GATAD2A: variants seen among roughly 807,000 people sequenced by gnomAD.
The protein encoded by GATAD2A is transcriptional repressor p66-alpha.
A neutral mutation model predicts 68.5 loss-of-function variants in GATAD2A; 12 were observed. The observed-to-expected ratio is 0.18, with a 90% CI of 0.11 to 0.28. The LOEUF (loss-of-function observed/expected upper bound fraction) is 0.28. Among genes scored for constraint, GATAD2A ranks in the 10% least tolerant of loss-of-function variants. GATAD2A has a pLI of 1.00. For missense variants in GATAD2A, 755 were observed against 868.5 expected, an observed-to-expected ratio of 0.87 and a Z score of 1.64; for synonymous variants, 410 against 375.3, an observed-to-expected ratio of 1.09 and a Z score of -1.07.
chr19:19,465,026 A>G (rs2057756516), intron 1 of GATAD2A: 1 of 439,318 alleles, frequency 2.3e-6, no homozygotes, highest in African/African-American at 2.0e-5. Context: ...TTCCTTGCTG[A>G]TAAGCAGCCA....
intron 1 of GATAD2A, among the ~76,000 whole-genome samples, chr19:19,396,138 T>C (rs975482050): frequency 9.2e-5 from 14 of 152,042 alleles, no homozygotes; most frequent in African/African-American, 2.7e-4. Context: ...CTGGCCAACA[T>C]AGTGAAACCC....
intron 2 of GATAD2A, among the ~76,000 whole-genome samples, chr19:19,487,236 T>G (rs1030512683): frequency 6.6e-6 from 1 of 152,216 alleles, no homozygotes; most frequent in Non-Finnish European, 1.5e-5. Flanking sequence ...CATCTGGTCC[T>G]GGGAACACCT....
intron 1 of GATAD2A, among the ~76,000 whole-genome samples, chr19:19,443,820 G>C (rs546174678): frequency 6.6e-6 from 1 of 152,146 alleles, no homozygotes; most frequent in South Asian, 2.1e-4. Flanking sequence ...AAAAGCTGAG[G>C]TAGAGGCCAC....
At chr19:19,386,530 G>A (rs554485726) in intron 1 of GATAD2A, among the ~76,000 whole-genome samples, 2 of 151,730 alleles carry the variant, frequency 1.3e-5, no homozygotes, top group East Asian at 1.9e-4. Context: ...GCCTCTCTAG[G>A]GGACTCCCAT....
chr19:19,445,784 A>T lies in GATAD2A; in HGVS notation c.-6-19556A>T, dbSNP rs561648062. Among the ~76,000 whole-genome samples the T allele has an allele frequency of 6.0e-4, 92 of 152,222 alleles. 1 individual carries two copies. The highest frequency in any genetic ancestry group is 1.1e-3 in the Non-Finnish European group (78 of 68,044). ...ATGGCCAAATAATATTCCATTGTCTAGATGGACCACATTTTGTTTATCCAT... is the reference window on the plus strand; with the variant it reads ...ATGGCCAAATAATATTCCATTGTCTTGATGGACCACATTTTGTTTATCCAT... On this transcript the variant is annotated intron_variant, in intron 1 of 11. Transcript: ENST00000683918.
upstream of GATAD2A, among the ~76,000 whole-genome samples, chr19:19,401,593 C>T (rs867382929): frequency 4.0e-5 from 6 of 151,852 alleles, no homozygotes; most frequent in South Asian, 4.2e-4. Context: ...CTGTCAGCTT[C>T]GGGAGTATGT....
chr19:19,457,912 C>T (rs1600180356), intron 1 of GATAD2A, among the ~76,000 whole-genome samples: 1 of 152,270 alleles, frequency 6.6e-6, no homozygotes, highest in East Asian at 1.9e-4. Context: ...CCGTCTCCAA[C>T]TCATGCAGGC....
At chr19:19,405,573 T>C (rs889628973), upstream of GATAD2A, among the ~76,000 whole-genome samples, 5 of 151,612 alleles carry the variant, frequency 3.3e-5, no homozygotes, top group Non-Finnish European at 4.4e-5. Context: ...TCCGGGGCGG[T>C]ACCGTCCGGC....
intron 10 of GATAD2A, 143 bp from the exon 11 acceptor site, chr19:19,502,188 T>C: frequency 1.2e-6 from 1 of 852,432 alleles, no homozygotes; most frequent in Non-Finnish European, 1.8e-6. Context: ...TCTGTGTAAC[T>C]TACCTGGTCT....
chr19:19,495,616 T>C (rs2060089913), intron 5 of GATAD2A, 138 bp from the exon 6 acceptor site: 1 of 856,636 alleles, frequency 1.2e-6, no homozygotes, highest in East Asian at 2.7e-5. Flanking sequence ...CATAATTTTC[T>C]TTAACTTCTC....
At position 19,501,286 on chromosome 19, in the gene GATAD2A, G is replaced by GGA; in HGVS notation, c.1374_1375insAG (p.Leu459SerfsTer2). 1 of 1,613,332 alleles carries GGA rather than the reference G, an allele frequency of 6.2e-7. No individual in the cohort carries two copies. Among genetic ancestry groups the GGA allele is most frequent in the Non-Finnish European group, 8.5e-7 (1 of 1,180,016 alleles). On this transcript the variant is annotated frameshift_variant, in exon 9 of 12. Coordinates refer to ENST00000683918, the MANE Select transcript of GATAD2A (RefSeq NM_001384528.1). LOFTEE classifies it high-confidence loss of function. Reference sequence around the variant, plus strand: ...GCGCTCAAGGTGGAGCACACCAGCCGGCTGAAGGCCGCCTTTGTGAAGGCG... The same window carrying GGA: ...GCGCTCAAGGTGGAGCACACCAGCCGGAGCTGAAGGCCGCCTTTGTGAAGGCG...
intron 1 of GATAD2A, among the ~76,000 whole-genome samples, chr19:19,463,952 G>T (rs2057672650): frequency 6.6e-6 from 1 of 152,212 alleles, no homozygotes; most frequent in Admixed American, 6.5e-5. Context: ...TTGCGCTATT[G>T]CTCATTTGTG....
At chr19:19,480,396 T>C (rs888792587) in intron 2 of GATAD2A, among the ~76,000 whole-genome samples, 24 of 152,340 alleles carry the variant, frequency 1.6e-4, no homozygotes, top group Admixed American at 5.2e-4. Flanking sequence ...GTAGCAAATA[T>C]AAGTTTTCCA....
intron 1 of GATAD2A, among the ~76,000 whole-genome samples, chr19:19,463,351 T>C (rs1036003173): frequency 6.6e-6 from 1 of 152,068 alleles, no homozygotes; most frequent in South Asian, 2.1e-4. Context: ...GGGCAAGGCA[T>C]GTCGGAGGAA....
At chr19:19,453,371 A>G (rs753415117) in intron 1 of GATAD2A, among the ~76,000 whole-genome samples, 7 of 152,234 alleles carry the variant, frequency 4.6e-5, no homozygotes, top group Non-Finnish European at 7.3e-5. Flanking sequence ...GGGACAGTAT[A>G]AAATTGACCC....
At chr19:19,441,175 T>A (rs1470671367) in intron 1 of GATAD2A, among the ~76,000 whole-genome samples, 1 of 151,874 alleles carries the variant, frequency 6.6e-6, no homozygotes, top group Non-Finnish European at 1.5e-5. Context: ...CCCGAGTAGT[T>A]GGGATTACAG....
chr19:19,485,170 C>G (rs1359088163), intron 2 of GATAD2A, among the ~76,000 whole-genome samples: 1 of 152,176 alleles, frequency 6.6e-6, no homozygotes, highest in Non-Finnish European at 1.5e-5. Flanking sequence ...TTTCTTTCCC[C>G]CTTCTCTTTC....
chr19:19,390,863 A>G (rs948790402), intron 1 of GATAD2A, among the ~76,000 whole-genome samples: 1 of 152,194 alleles, frequency 6.6e-6, no homozygotes, highest in Non-Finnish European at 1.5e-5. Context: ...ATTTGGGGAC[A>G]AAAGACTGGG....
chr19:19,387,510 G>A (rs1055113460), intron 1 of GATAD2A, among the ~76,000 whole-genome samples: 1 of 151,942 alleles, frequency 6.6e-6, no homozygotes, highest in African/African-American at 2.4e-5. Context: ...GTAGAGAGGG[G>A]GTTTCATCAT....
Sources: allele counts gnomAD v4.1 joint callset (sites outside exome capture counted in the v4.1 genomes callset), GRCh38; gene constraint gnomAD v4.1.1; transcripts MANE v1.5; gene names NCBI Gene and HGNC (gene_info 2026-07-23, HGNC 2026-07-21).